Variants in MAG observed in about 807,000 individuals in gnomAD.
MAG encodes myelin-associated glycoprotein.
In MAG, 30 loss-of-function variants were observed where a neutral mutation model predicts 60.7. That is an observed-to-expected ratio of 0.49 (90% CI 0.37 to 0.67). The LOEUF (loss-of-function observed/expected upper bound fraction) is 0.67. Ranked by LOEUF, MAG falls within the 30% of genes least tolerant of loss-of-function variation. MAG has a pLI of 0.00. For missense variants in MAG, 795 were observed against 851.7 expected (o/e 0.93, Z 0.83); for synonymous variants, 384 against 376.8 (o/e 1.02, Z -0.22).
Position 35,300,239 on chromosome 19 carries a change from C to T in MAG, c.805C>T (p.Pro269Ser), listed in dbSNP as rs199770269. 1.3e-6 allele frequency: 2 copies of T among 1,587,580 alleles called. No individual in the cohort carries two copies. The highest frequency in any genetic ancestry group is 2.7e-5 in the African/African-American group (2 of 74,536). Residue 269 changes from proline to serine, a missense_variant, in exon 6 of 11, where the codon CCG (proline) becomes TCG (serine). Pro to Ser is a moderately conservative substitution (Grantham distance 74). Coordinates refer to ENST00000392213, the MANE Select transcript of MAG (RefSeq NM_002361.4). ...CTGTGGGGCTGACAGCAACCCCCCG[C>T]CGCTGCTGACCTGGATGCGGGACGG... Reference protein sequence around the residue: ...LLCGADSNPPPLLTWMRDGTV... With the variant: ...LLCGADSNPPSLLTWMRDGTV...
rs2066545034 is a variant in MAG, at chr19:35,313,523, T to C, written c.*69T>C. The C allele has an allele frequency of 2.1e-6, 3 of 1,440,688 alleles. No homozygotes were observed. The highest frequency in any genetic ancestry group is 2.7e-5 in the South Asian group (2 of 74,646). 89.2% of individuals were successfully genotyped at this position (1,440,688 alleles called of 1,614,324 possible). ...TCGCTGGCCCCCACTGGCTGTGGGCTCCCTTCCTCCCAAAAGTATCGGGGG... is the reference window on the plus strand; with the variant it reads ...TCGCTGGCCCCCACTGGCTGTGGGCCCCCTTCCTCCCAAAAGTATCGGGGG... On this transcript the variant is annotated 3_prime_UTR_variant, in exon 11 of 11. Transcript: ENST00000392213.
At chr19:35,294,648 G>T (rs1000725510) in intron 2 of MAG, among the ~76,000 whole-genome samples, 5 of 152,234 alleles carry the variant, frequency 3.3e-5, no homozygotes, top group African/African-American at 1.2e-4. Context: ...GGGTGAGGTG[G>T]CTCATGCCTG....
intron 7 of MAG, among the ~76,000 whole-genome samples, chr19:35,308,846 G>T (rs181170416): frequency 1.2e-3 from 190 of 152,224 alleles, no homozygotes; most frequent in African/African-American, 4.5e-3. Context: ...TGGGCGCAGT[G>T]GCTTATGCCT....
chr19:35,299,614 G>A lies in MAG; in HGVS notation c.476G>A (p.Cys159Tyr). The A allele has an allele frequency of 6.2e-7, 1 of 1,609,144 alleles. No individual in the cohort carries two copies. The highest frequency in any genetic ancestry group is 8.5e-7 in the Non-Finnish European group (1 of 1,176,838). ...VVAGTEVEVS[C>Y]MVPDNCPELR... Reference sequence around the variant, plus strand: ...GCAGGCACGGAGGTGGAGGTCAGCTGCATGGTGCCGGACAACTGCCCAGAG... The same window carrying A: ...GCAGGCACGGAGGTGGAGGTCAGCTACATGGTGCCGGACAACTGCCCAGAG... The change falls in exon 5 of 11, where the codon TGC becomes TAC. Residue 159 changes from cysteine to tyrosine, a missense_variant. By Grantham distance (194) the Cys-to-Tyr change is radical. Transcript: ENST00000392213.
In MAG at chr19:35,310,091, G is replaced by A. The variant is rs771785942; in HGVS notation, c.1449G>A (p.Pro483=). 5 of 1,612,770 alleles carry A rather than the reference G, an allele frequency of 3.1e-6. No homozygotes were observed. In the South Asian group the frequency reaches 4.4e-5, roughly 14 times the overall value. ...CGCTGCGGGGGCAGGCCCAGGCCCC[G>A]CCCCGCGTCATCTGCACCGCGAGGA... ...ILTLRGQAQA[P]PRVICTARNL... The change falls in exon 8 of 11, where the codon CCG becomes CCA. Residue 483 remains proline, a synonymous_variant. Coordinates refer to ENST00000392213, the MANE Select transcript of MAG (RefSeq NM_002361.4).
intron 6 of MAG, among the ~76,000 whole-genome samples, chr19:35,301,958 T>C (rs574235816): frequency 3.9e-5 from 6 of 152,280 alleles, no homozygotes; most frequent in Non-Finnish European, 5.9e-5. Context: ...TCCCCCATCA[T>C]CCTATCCCAA....
At chr19:35,310,502 C>G in intron 8 of MAG, 45 bp from the exon 9 acceptor site, 1 of 1,538,706 alleles carries the variant, frequency 6.5e-7, no homozygotes, top group Non-Finnish European at 9.0e-7. Flanking sequence ...GTGTCGTCAC[C>G]ACCACCCATA....
intron 7 of MAG, 88 bp downstream of exon 7, chr19:35,302,796 G>A (rs2046865713): frequency 1.3e-6 from 2 of 1,520,178 alleles, no homozygotes; most frequent in Non-Finnish European, 1.8e-6. Context: ...ATCCCAATCA[G>A]TATTGGCTTT....
intron 4 of MAG, among the ~76,000 whole-genome samples, chr19:35,298,399 C>A (rs1340222312): frequency 6.6e-6 from 1 of 150,926 alleles, no homozygotes; most frequent in Admixed American, 6.6e-5. Context: ...ACACACCACA[C>A]AAACCAGACA....
Position 35,303,960 on chromosome 19 carries a change from C to T in MAG, c.1231+1252C>T, listed in dbSNP as rs75177697. Among the ~76,000 whole-genome samples the T allele has an allele frequency of 5.5e-3, 835 of 152,256 alleles. 33 individuals are homozygous for T. The East Asian group carries it at 0.11, about 20-fold the overall frequency. On this transcript the variant is annotated intron_variant, in intron 7 of 10. Coordinates refer to ENST00000392213, the MANE Select transcript of MAG (RefSeq NM_002361.4). ...TTCTAGCACTCCTCCCCAAATTTCA[C>T]CTCTCTGGTCTTCACGATGCCCACA...
At chr19:35,302,015 T>A (rs2066452253) in intron 6 of MAG, among the ~76,000 whole-genome samples, 1 of 152,218 alleles carries the variant, frequency 6.6e-6, no homozygotes, top group African/African-American at 2.4e-5. Flanking sequence ...TTTATTTTTC[T>A]CTACACACTT....
rs529408757 is a variant in MAG, at chr19:35,293,461, T to A, written c.-79-774T>A. Among the ~76,000 whole-genome samples, 7 of 152,160 alleles carry A rather than the reference T, an allele frequency of 4.6e-5. No homozygotes were observed. The South Asian group carries it at 1.5e-3, about 32-fold the overall frequency. On this transcript the variant is annotated intron_variant, in intron 1 of 10. Coordinates refer to ENST00000392213, the MANE Select transcript of MAG (RefSeq NM_002361.4). The surrounding 1 kb of genome is among the most constrained non-coding windows in gnomAD (Gnocchi z 4.0). Reference sequence around the variant, plus strand: ...TCCTGTCTGGGTGTCTGTATGAGTCTCCGCTGCGTGTGCCTGCCCCTTCTG... The same window carrying A: ...TCCTGTCTGGGTGTCTGTATGAGTCACCGCTGCGTGTGCCTGCCCCTTCTG...
chr19:35,298,057 GCACACACTACCCACATGCCACACACTA>G (rs2066415883), intron 4 of MAG, among the ~76,000 whole-genome samples: 1 of 112,332 alleles, frequency 8.9e-6, no homozygotes, highest in Non-Finnish European at 1.8e-5. Context: ...CACACACAGT[GCACACACTACCCACATGCCACACACTA>G]CACACACCAC....
intron 1 of MAG, 73 bp downstream of exon 1, chr19:35,292,277 G>A: frequency 2.2e-6 from 1 of 455,970 alleles, no homozygotes; most frequent in Non-Finnish European, 4.4e-6. Context: ...ACGTGAGCAG[G>A]GTCAGGTGCT....
At chr19:35,302,375 T>A in intron 6 of MAG, 73 bp from the exon 7 acceptor site, 1 of 1,576,482 alleles carries the variant, frequency 6.3e-7, no homozygotes, top group Non-Finnish European at 8.6e-7. Context: ...TGGGGTCATA[T>A]CTGGGGATGG....
rs775692260 is a variant in MAG at position 35,311,986 on chromosome 19, TC to T, written c.1687del (p.Arg563AlafsTer33). On this transcript the variant is annotated frameshift_variant, in exon 10 of 11. Coordinates refer to ENST00000392213, the MANE Select transcript of MAG (RefSeq NM_002361.4). LOFTEE classifies it high-confidence loss of function. ...DNPPVLFSSD[F>X]RISGAPEKYE... ...CCTCCCGTCCTGTTCAGCAGCGACT[TC>T]CGCATCTCTGGGGCACCAGAGAAGT... 1 of 1,613,196 alleles carries T rather than the reference TC, an allele frequency of 6.2e-7. No individual in the cohort carries two copies. The highest frequency in any genetic ancestry group is 8.5e-7 in the Non-Finnish European group (1 of 1,179,588).
At chr19:35,312,214 G>A in intron 10 of MAG, 197 bp downstream of exon 10, 1 of 1,466,352 alleles carries the variant, frequency 6.8e-7, no homozygotes, top group South Asian at 1.1e-5. Context: ...GGGGCGATGG[G>A]ACGTGGGGCC....
intron 6 of MAG, 49 bp downstream of exon 6, chr19:35,300,453 T>C: frequency 1.3e-6 from 2 of 1,513,642 alleles, no homozygotes; most frequent in Non-Finnish European, 8.8e-7. Flanking sequence ...AGCCGAGAGA[T>C]AAAGGGAAAG....
Position 35,309,857 on chromosome 19 carries a change from T to G in MAG, c.1232-17T>G. On this transcript the variant is annotated splice_polypyrimidine_tract_variant and intron_variant, in intron 7 of 10. Coordinates refer to ENST00000392213, the MANE Select transcript of MAG (RefSeq NM_002361.4). ...GTTGGCTCCGGGCCACCCTCAGACC[T>G]GATTTTGCCCCTGCAGTCGCCCCTG... The G allele has an allele frequency of 6.3e-7, 1 of 1,599,678 alleles. No individual in the cohort carries two copies. Among genetic ancestry groups the G allele is most frequent in the Non-Finnish European group, 8.5e-7 (1 of 1,174,164 alleles).
Sources: allele counts gnomAD v4.1 joint callset (sites outside exome capture counted in the v4.1 genomes callset), GRCh38; gene constraint gnomAD v4.1.1; non-coding constraint Gnocchi (gnomAD v3.1); transcripts MANE v1.5; gene names NCBI Gene and HGNC (gene_info 2026-07-23, HGNC 2026-07-21).